Variants in CNTLN observed in about 807,000 individuals in gnomAD.
The protein encoded by CNTLN is centlein.
CNTLN carries 212 observed loss-of-function variants against 180.0 expected under a neutral mutation model. The observed-to-expected ratio is 1.18, with a 90% CI of 1.05 to 1.32. CNTLN has a LOEUF of 1.32. Ranked by LOEUF, CNTLN falls within the 40% of genes most tolerant of loss-of-function variation. CNTLN has a pLI of 0.00. For synonymous variants in CNTLN, 722 were observed against 563.1 expected, an observed-to-expected ratio of 1.28 and a Z score of -3.99; for missense variants, 2,095 against 1,610.9, an observed-to-expected ratio of 1.30 and a Z score of -5.14.
At chr9:17,448,761 C>A (rs1299069789) in intron 18 of CNTLN, among the ~76,000 whole-genome samples, 2 of 151,968 alleles carry the variant, frequency 1.3e-5, no homozygotes, top group Non-Finnish European at 2.9e-5. Context: ...GGGATGGATT[C>A]TTTTCTTCTT....
chr9:17,395,522 G>C (rs770187281), intron 15 of CNTLN, among the ~76,000 whole-genome samples: 2 of 152,138 alleles, frequency 1.3e-5, no homozygotes, highest in African/African-American at 2.4e-5. Flanking sequence ...AATTTTGAAT[G>C]ACCCATTTCA....
intron 18 of CNTLN, among the ~76,000 whole-genome samples, chr9:17,438,679 A>G (rs1342255821): frequency 6.6e-6 from 1 of 152,230 alleles, no homozygotes; most frequent in Non-Finnish European, 1.5e-5. Context: ...AGTGAACTGG[A>G]AATATCAAGT....
intron 25 of CNTLN, among the ~76,000 whole-genome samples, chr9:17,488,917 A>G: frequency 6.6e-6 from 1 of 152,140 alleles, no homozygotes; most frequent in East Asian, 1.9e-4. Flanking sequence ...AATGAACTGC[A>G]TCATGTGCCT....
intron 1 of CNTLN, among the ~76,000 whole-genome samples, chr9:17,142,980 A>T (rs1407418438): frequency 2.6e-5 from 4 of 152,334 alleles, no homozygotes; most frequent in South Asian, 2.1e-4. Flanking sequence ...GAGTTTTGAT[A>T]AAAGCGGAGC....
intron 2 of CNTLN, among the ~76,000 whole-genome samples, chr9:17,173,206 T>C (rs1306319222): frequency 6.6e-6 from 1 of 152,182 alleles, no homozygotes; most frequent in African/African-American, 2.4e-5. Context: ...CTAATATTTG[T>C]ATATTACTTT....
rs1454411602 is a variant in CNTLN at position 17,196,713 on chromosome 9, T to A, written c.450-29490T>A. Among the ~76,000 whole-genome samples the A allele has an allele frequency of 5.3e-5, 8 of 151,714 alleles. No individual in the cohort carries two copies. In the East Asian group the frequency reaches 1.5e-3, roughly 29 times the overall value. On this transcript the variant is annotated intron_variant, in intron 2 of 25. Transcript: ENST00000380647. ...ATACATTTTTAATATTAAATATTTT[T>A]AATTTTTAATTTATGTGGGTACATA... is the stretch of plus-strand genomic sequence containing the variant.
intron 12 of CNTLN, among the ~76,000 whole-genome samples, chr9:17,364,085 G>C (rs1823614139): frequency 6.6e-6 from 1 of 152,062 alleles, no homozygotes; most frequent in Non-Finnish European, 1.5e-5. Context: ...ACATTTTTAA[G>C]TGTGAACAGA....
intron 18 of CNTLN, among the ~76,000 whole-genome samples, chr9:17,454,647 T>C (rs562087590): frequency 1.3e-3 from 197 of 152,308 alleles, no homozygotes; most frequent in African/African-American, 4.4e-3. Context: ...ATGCTGACAA[T>C]AATGCTGCAC....
intron 2 of CNTLN, among the ~76,000 whole-genome samples, chr9:17,187,483 C>G (rs1201240496): frequency 6.6e-6 from 1 of 151,922 alleles, no homozygotes; most frequent in Admixed American, 6.6e-5. Flanking sequence ...AGAAAATAAT[C>G]ATAGACCTAC....
chr9:17,248,002 T>G (rs1825907218), intron 5 of CNTLN, among the ~76,000 whole-genome samples: 1 of 152,042 alleles, frequency 6.6e-6, no homozygotes, highest in African/African-American at 2.4e-5. Context: ...TGCTAATTAT[T>G]TGTAGAGACA....
At chr9:17,277,884 T>C (rs930699894) in intron 6 of CNTLN, among the ~76,000 whole-genome samples, 1 of 152,080 alleles carries the variant, frequency 6.6e-6, no homozygotes, top group Non-Finnish European at 1.5e-5. Context: ...AAGTTCATGG[T>C]TTGGAAGACT....
At chr9:17,264,834 C>G (rs1827286039) in intron 5 of CNTLN, among the ~76,000 whole-genome samples, 1 of 151,802 alleles carries the variant, frequency 6.6e-6, no homozygotes, top group East Asian at 2.0e-4. Context: ...TGATTTGGCT[C>G]TCTGTTTGTC....
intron 18 of CNTLN, among the ~76,000 whole-genome samples, chr9:17,430,997 A>G (rs1031659218): frequency 6.6e-6 from 1 of 152,114 alleles, no homozygotes; most frequent in Non-Finnish European, 1.5e-5. Flanking sequence ...TGTTGTGAAT[A>G]ATGCTGCAGT....
chr9:17,186,833 C>G (rs747051500), intron 2 of CNTLN, among the ~76,000 whole-genome samples: 1 of 151,856 alleles, frequency 6.6e-6, no homozygotes, highest in Non-Finnish European at 1.5e-5. Flanking sequence ...TATTACTATC[C>G]TTTCTATATA....
At chr9:17,177,041 A>G (rs1186894690) in intron 2 of CNTLN, among the ~76,000 whole-genome samples, 2 of 151,790 alleles carry the variant, frequency 1.3e-5, no homozygotes, top group Non-Finnish European at 2.9e-5. Context: ...GATTTTCTCT[A>G]TTATTTTTCT....
chr9:17,441,936 G>A (rs998529650), intron 18 of CNTLN, among the ~76,000 whole-genome samples: 5 of 152,032 alleles, frequency 3.3e-5, no homozygotes, highest in African/African-American at 9.7e-5. Flanking sequence ...CATTATAAGA[G>A]ACAAAGACAT....
intron 13 of CNTLN, among the ~76,000 whole-genome samples, chr9:17,386,362 A>G (rs913271334): frequency 9.9e-5 from 15 of 152,184 alleles, no homozygotes; most frequent in African/African-American, 3.4e-4. Context: ...GAGAAAGAAT[A>G]TAAATTAGAA....
intron 2 of CNTLN, among the ~76,000 whole-genome samples, chr9:17,158,720 CT>C: frequency 6.6e-6 from 1 of 151,918 alleles, no homozygotes; most frequent in East Asian, 1.9e-4. Context: ...ATATCCCCCC[CT>C]TTTATTTCTG....
At chr9:17,308,979 TAC>T (rs1370354187) in intron 7 of CNTLN, 77 bp from the exon 8 acceptor site, 23,507 of 660,920 alleles carry the variant, frequency 0.036, 1 homozygote, top group South Asian at 0.05. Context: ...TATGTATATA[TAC>T]ACACACACAC....
Sources: allele counts gnomAD v4.1 joint callset (sites outside exome capture counted in the v4.1 genomes callset), GRCh38; gene constraint gnomAD v4.1.1; transcripts MANE v1.5; gene names NCBI Gene and HGNC (gene_info 2026-07-23, HGNC 2026-07-21).